The following PLEKHA6 variants were observed in gnomAD, a reference collection of about 807,000 sequenced individuals.
PLEKHA6 encodes the protein pleckstrin homology domain containing A6.
A neutral mutation model predicts 116.7 loss-of-function variants in PLEKHA6; 60 were observed. The ratio of observed to expected loss-of-function variants is 0.51; its 90% CI spans 0.42 to 0.64. The LOEUF is 0.64. Ranked by LOEUF, PLEKHA6 falls within the 30% of genes least tolerant of loss-of-function variation. The pLI is 0.00. For synonymous variants in PLEKHA6, 489 were observed against 556.1 expected (o/e 0.88, Z 1.70); for missense variants, 1,338 against 1,422.7 (o/e 0.94, Z 0.96).
chr1:204,369,680 G>T (rs1212192813), intron 2 of PLEKHA6: 7 of 152,196 alleles, frequency 4.6e-5, no homozygotes, highest in Admixed American at 1.3e-4. Flanking sequence ...AGCTCCGGGG[G>T]CATCTTAACC....
At position 204,261,238 on chromosome 1, in the gene PLEKHA6, G is replaced by T; in HGVS notation, c.524+68C>A. The T allele has an allele frequency of 1.3e-6, 2 of 1,567,468 alleles. No homozygotes were observed. Among genetic ancestry groups the T allele is most frequent in the Non-Finnish European group, 1.8e-6 (2 of 1,137,742 alleles). ...ACACTGGGATTAGCAATGGCCCAGA[G>T]CTGGGTGTGTCTTCCATTCCCCTCT... On this transcript the variant is annotated intron_variant, in intron 7 of 22. Coordinates refer to ENST00000272203, the MANE Select transcript of PLEKHA6 (RefSeq NM_014935.5). The surrounding 1 kb of genome is among the most constrained non-coding windows in gnomAD (Gnocchi z 4.0).
chr1:204,240,614 G>A (rs144236274), intron 17 of PLEKHA6, among the ~76,000 whole-genome samples: 1,852 of 152,276 alleles, frequency 0.012, 28 homozygotes, highest in South Asian at 0.031. Context: ...GGGGATTGGT[G>A]CATTTCCTGT....
chr1:204,293,535 A>G (rs1004315789), intron 1 of PLEKHA6, among the ~76,000 whole-genome samples: 4 of 152,214 alleles, frequency 2.6e-5, no homozygotes, highest in Non-Finnish European at 5.9e-5. Flanking sequence ...CAGGACCAGT[A>G]TCACTGGAAT....
In PLEKHA6 at chr1:204,261,260, C is replaced by T; in HGVS notation, c.524+46G>A. ...AGAGCTGGGTGTGTCTTCCATTCCCCTCTTTATTCTTCCTGCACCCCCACA... is the reference window on the plus strand; with the variant it reads ...AGAGCTGGGTGTGTCTTCCATTCCCTTCTTTATTCTTCCTGCACCCCCACA... On this transcript the variant is annotated intron_variant, in intron 7 of 22. Transcript: ENST00000272203. This position sits in a 1 kb window ranked among gnomAD's most constrained non-coding sequence, Gnocchi z 4.0. 6.2e-7 allele frequency: 1 copy of T among 1,610,126 alleles called. No individual in the cohort carries two copies. The highest frequency in any genetic ancestry group is 8.5e-7 in the Non-Finnish European group (1 of 1,176,342).
chr1:204,230,350 C>T, intron 18 of PLEKHA6, 63 bp downstream of exon 18: 1 of 1,360,642 alleles, frequency 7.3e-7, no homozygotes, highest in Non-Finnish European at 9.9e-7. Flanking sequence ...TGGCCATGCC[C>T]TGGGAGTGGG....
intron 3 of PLEKHA6, among the ~76,000 whole-genome samples, chr1:204,367,237 G>T (rs1673680273): frequency 6.6e-6 from 1 of 152,144 alleles, no homozygotes; most frequent in African/African-American, 2.4e-5. Context: ...CAGGAAATAA[G>T]GGCTCCCCAG....
At chr1:204,330,596 T>C (rs1346441561) in intron 1 of PLEKHA6, among the ~76,000 whole-genome samples, 2 of 152,160 alleles carry the variant, frequency 1.3e-5, no homozygotes, top group Admixed American at 1.3e-4. Flanking sequence ...GAGGTCCTGC[T>C]CTGGAGAACT....
chr1:204,255,793 G>A, intron 9 of PLEKHA6: 1 of 664,694 alleles, frequency 1.5e-6, no homozygotes. Flanking sequence ...CAAGGACAAG[G>A]AGAGGCTTCT....
At chr1:204,255,899 A>G (rs1411110598) in intron 9 of PLEKHA6, among the ~76,000 whole-genome samples, 1 of 152,200 alleles carries the variant, frequency 6.6e-6, no homozygotes. Flanking sequence ...GGAGGGGCAC[A>G]CGCAGACCCC....
chr1:204,285,132 C>CAGGACATTCCATCATTGT (rs1296780947), intron 1 of PLEKHA6, among the ~76,000 whole-genome samples: 1 of 152,218 alleles, frequency 6.6e-6, no homozygotes, highest in Non-Finnish European at 1.5e-5. Flanking sequence ...AGAATAGTCA[C>CAGGACATTCCATCATTGT]AGGACATTCC....
intron 1 of PLEKHA6, among the ~76,000 whole-genome samples, chr1:204,281,654 C>T (rs1668632523): frequency 1.3e-5 from 2 of 152,186 alleles, no homozygotes; most frequent in Non-Finnish European, 2.9e-5. Flanking sequence ...AATACCAGTT[C>T]TCTGGGTGCT....
At chr1:204,282,926 GC>G in intron 1 of PLEKHA6, 6 of 376,600 alleles carry the variant, frequency 1.6e-5, no homozygotes, top group Non-Finnish European at 2.2e-5. Context: ...CAGCCCCCTC[GC>G]CTCCAAGTTG....
chr1:204,223,453 AGTGC>A lies in PLEKHA6; in HGVS notation c.*8+5_*8+8del. 1 of 1,431,730 alleles carries A rather than the reference AGTGC, an allele frequency of 7.0e-7. No homozygotes were observed. The highest frequency in any genetic ancestry group is 2.0e-5 in the Admixed American group (1 of 50,856). The allele number at this position is 1,431,730 out of a possible 1,614,324, so 88.7% of individuals were successfully genotyped here. On this transcript the variant is annotated splice_donor_5th_base_variant and intron_variant, in intron 22 of 22. Coordinates refer to ENST00000272203, the MANE Select transcript of PLEKHA6 (RefSeq NM_014935.5). The surrounding 1 kb of genome is among the most constrained non-coding windows in gnomAD (Gnocchi z 4.8). ...CGAGGTGGATGAAATACAGTAGAAA[AGTGC>A]TTACGTCAGAGCTCAGACCCGCATG...
At chr1:204,276,885 T>C (rs959785774) in intron 1 of PLEKHA6, 3 of 152,516 alleles carry the variant, frequency 2.0e-5, no homozygotes, top group Admixed American at 6.6e-5. Flanking sequence ...CTTCTCCAGG[T>C]CATCTCAAGC....
chr1:204,251,752 C>A, intron 9 of PLEKHA6: 1 of 587,746 alleles, frequency 1.7e-6, no homozygotes, highest in Non-Finnish European at 3.1e-6. Flanking sequence ...TCCTTGCTCA[C>A]CCCTAGTGAC....
At chr1:204,266,205 T>C (rs1666797779) in intron 5 of PLEKHA6, among the ~76,000 whole-genome samples, 1 of 152,144 alleles carries the variant, frequency 6.6e-6, no homozygotes. Flanking sequence ...ACCAGAGTAG[T>C]AGGAGGCACT....
Position 204,228,901 on chromosome 1 carries a change from G to C in PLEKHA6, c.2751+36C>G. Reference sequence around the variant, plus strand: ...GGGTCACCACCTCTGTCCCTTCCCAGAGTCTCCCACTACAGCCCTTCCTGG... The same window carrying C: ...GGGTCACCACCTCTGTCCCTTCCCACAGTCTCCCACTACAGCCCTTCCTGG... On this transcript the variant is annotated intron_variant, in intron 19 of 22. Transcript: ENST00000272203. The surrounding 1 kb of genome is among the most constrained non-coding windows in gnomAD (Gnocchi z 4.0). 6.2e-7 allele frequency: 1 copy of C among 1,614,052 alleles called. No homozygotes were observed. The highest frequency in any genetic ancestry group is 8.5e-7 in the Non-Finnish European group (1 of 1,179,978).
At chr1:204,306,995 T>A (rs4287237) in intron 1 of PLEKHA6, among the ~76,000 whole-genome samples, 1 of 151,994 alleles carries the variant, frequency 6.6e-6, no homozygotes, top group African/African-American at 2.4e-5. Flanking sequence ...AGAAATTAGA[T>A]ATTTTCTTTA....
At chr1:204,324,211 G>T (rs1392378761) in intron 1 of PLEKHA6, among the ~76,000 whole-genome samples, 1 of 152,138 alleles carries the variant, frequency 6.6e-6, no homozygotes, top group East Asian at 1.9e-4. Context: ...GACTTTGATT[G>T]CTCTGACTTT....
Sources: allele counts gnomAD v4.1 joint callset (sites outside exome capture counted in the v4.1 genomes callset), GRCh38; gene constraint gnomAD v4.1.1; non-coding constraint Gnocchi (gnomAD v3.1); transcripts MANE v1.5; gene names NCBI Gene and HGNC (gene_info 2026-07-23, HGNC 2026-07-21).